The following R3HDM2 variants were observed in gnomAD, a reference collection of about 807,000 sequenced individuals.
R3HDM2 encodes R3H domain-containing protein 2.
A neutral mutation model predicts 124.5 loss-of-function variants in R3HDM2; 38 were observed. The observed-to-expected ratio is 0.31, with a 90% CI of 0.24 to 0.40. The LOEUF (loss-of-function observed/expected upper bound fraction) is 0.40, where lower values mean the gene tolerates loss of function less well. Ranked by LOEUF, R3HDM2 falls within the 10% of genes least tolerant of loss-of-function variation. The pLI is 1.00. For synonymous variants in R3HDM2, 391 were observed against 448.0 expected (o/e 0.87, Z 1.61); for missense variants, 869 against 1,236.9 (o/e 0.70, Z 4.46).
chr12:57,350,509 C>G (rs1050681063), intron 2 of R3HDM2, among the ~76,000 whole-genome samples: 1 of 152,168 alleles, frequency 6.6e-6, no homozygotes, highest in Non-Finnish European at 1.5e-5. Flanking sequence ...GATGGTTACC[C>G]TCTAATCCCA....
At chr12:57,425,376 T>C (rs1009321780) in intron 1 of R3HDM2, among the ~76,000 whole-genome samples, 1 of 152,166 alleles carries the variant, frequency 6.6e-6, no homozygotes, top group African/African-American at 2.4e-5. Flanking sequence ...TCCAGACAAA[T>C]GCATAGCAGA....
At chr12:57,332,385 T>G (rs573678148) in intron 2 of R3HDM2, among the ~76,000 whole-genome samples, 5 of 113,532 alleles carry the variant, frequency 4.4e-5, no homozygotes, top group Non-Finnish European at 4.9e-5. Context: ...ACTCCAGCAC[T>G]CCAGCCTGGA....
rs981660898 is a variant in R3HDM2 at position 57,270,333 on chromosome 12, G to A, written c.1345-339C>T. Among the ~76,000 whole-genome samples the A allele has an allele frequency of 2.0e-5, 3 of 151,928 alleles. No homozygotes were observed. The South Asian group carries it at 6.2e-4, about 32-fold the overall frequency. ...CGCCTCCCAGGTTTAAGCAATTCTC[G>A]TGCCTCAGCCTCCTGAGTAGCTGGG... On this transcript the variant is annotated intron_variant, in intron 14 of 23. Transcript: ENST00000402412.
intron 3 of R3HDM2, among the ~76,000 whole-genome samples, chr12:57,308,556 G>A (rs2139017445): frequency 6.6e-6 from 1 of 151,802 alleles, no homozygotes; most frequent in Admixed American, 6.6e-5. Flanking sequence ...TGTCGTGGCG[G>A]GCGCCTGTAA....
At position 57,289,011 on chromosome 12, in the gene R3HDM2, G is replaced by C; in HGVS notation, c.936C>G (p.Ile312Met). ...ETGQNGYLND[I>M]RGNREGLSRT... Reference sequence around the variant, plus strand: ...GGAACATGCTAAGTGGTACTAACCTGATGTCATTTAGATATCCGTTCTGGC... The same window carrying C: ...GGAACATGCTAAGTGGTACTAACCTCATGTCATTTAGATATCCGTTCTGGC... Residue 312 changes from isoleucine (I) to methionine (M), a missense_variant and splice_region_variant, in exon 12 of 24, where the codon ATC becomes ATG. By Grantham distance (10) the Ile-to-Met change is conservative. Coordinates refer to ENST00000402412, the MANE Select transcript of R3HDM2 (RefSeq NM_001394031.1). 1.3e-6 allele frequency: 2 copies of C among 1,550,036 alleles called. No homozygotes were observed. The highest frequency in any genetic ancestry group is 1.7e-6 in the Non-Finnish European group (2 of 1,145,338).
At chr12:57,320,909 A>G (rs2056344915) in intron 2 of R3HDM2, among the ~76,000 whole-genome samples, 1 of 152,168 alleles carries the variant, frequency 6.6e-6, no homozygotes, top group Non-Finnish European at 1.5e-5. Context: ...CAAGACAACG[A>G]TATCTAGGTG....
intron 2 of R3HDM2, among the ~76,000 whole-genome samples, chr12:57,330,450 T>C (rs1260650902): frequency 6.6e-6 from 1 of 151,880 alleles, no homozygotes; most frequent in African/African-American, 2.4e-5. Flanking sequence ...TTCAAGCGAT[T>C]CTCCTGCCTC....
At chr12:57,331,414 G>A (rs4760355) in intron 2 of R3HDM2, among the ~76,000 whole-genome samples, 30,003 of 151,952 alleles carry the variant, frequency 0.2, 3,298 homozygotes, top group Admixed American at 0.28. Context: ...TTTTCTCGTC[G>A]TTTATCATTG....
In R3HDM2 at chr12:57,277,964, G is replaced by A. The variant is rs1204462352; in HGVS notation, c.1344+2394C>T. Reference sequence around the variant, plus strand: ...GAAAGAAAGAAAATGGCAGTAGGAAGAGGAATAAAAAAATAAAGAGGAAGG... The same window carrying A: ...GAAAGAAAGAAAATGGCAGTAGGAAAAGGAATAAAAAAATAAAGAGGAAGG... On this transcript the variant is annotated intron_variant, in intron 14 of 23. Coordinates refer to ENST00000402412, the MANE Select transcript of R3HDM2 (RefSeq NM_001394031.1). Among the ~76,000 whole-genome samples the A allele has an allele frequency of 2.0e-5, 3 of 152,224 alleles. No individual in the cohort carries two copies. In the East Asian group the frequency reaches 5.8e-4, roughly 29 times the overall value.
At chr12:57,297,009 G>A (rs184061804) in intron 8 of R3HDM2, 5 of 265,266 alleles carry the variant, frequency 1.9e-5, no homozygotes, top group African/African-American at 9.1e-5. Flanking sequence ...AGTCAAGACT[G>A]TACCACGGCG....
intron 13 of R3HDM2, among the ~76,000 whole-genome samples, chr12:57,282,676 A>C (rs576757645): frequency 6.6e-6 from 1 of 152,250 alleles, no homozygotes; most frequent in African/African-American, 2.4e-5. Flanking sequence ...GCAAAAAAAA[A>C]ATCATAAAAA....
intron 14 of R3HDM2, among the ~76,000 whole-genome samples, chr12:57,276,574 T>C (rs2044797451): frequency 6.6e-6 from 1 of 152,088 alleles, no homozygotes. Flanking sequence ...AGCTAAGCTA[T>C]GAGGACGCAA....
At chr12:57,402,893 G>T (rs1321351608) in intron 1 of R3HDM2, among the ~76,000 whole-genome samples, 1 of 152,104 alleles carries the variant, frequency 6.6e-6, no homozygotes, top group South Asian at 2.1e-4. Context: ...ATACTTAAAA[G>T]CTATATTGCT....
chr12:57,338,822 GGA>G (rs143852540), intron 2 of R3HDM2, among the ~76,000 whole-genome samples: 36 of 149,290 alleles, frequency 2.4e-4, no homozygotes, highest in African/African-American at 6.4e-4. Context: ...TTTTTCAAAG[GGA>G]GAGAGAGAGA....
At chr12:57,340,646 T>G (rs2059446108) in intron 2 of R3HDM2, among the ~76,000 whole-genome samples, 1 of 152,086 alleles carries the variant, frequency 6.6e-6, no homozygotes, top group African/African-American at 2.4e-5. Context: ...TCTTTTCACT[T>G]CACACAAAGA....
intron 2 of R3HDM2, among the ~76,000 whole-genome samples, chr12:57,389,090 G>A (rs1280157069): frequency 2.0e-5 from 3 of 152,112 alleles, no homozygotes; most frequent in Non-Finnish European, 4.4e-5. Context: ...CCCTCCAGAG[G>A]AAATGCAAAC....
rs567107185 is a variant in R3HDM2, at chr12:57,421,715, C to T, written c.-106+9005G>A. Among the ~76,000 whole-genome samples, 160 of 151,634 alleles carry T rather than the reference C, an allele frequency of 1.1e-3. 1 individual carries two copies. The highest frequency in any genetic ancestry group is 1.7e-3 in the Non-Finnish European group (115 of 67,880). ...TTAGAGGCAGGTTCTCACTAAGTTG[C>T]CCCAGGCTAGTCTCGAACTGGGCTC... On this transcript the variant is annotated intron_variant, in intron 1 of 23. Coordinates refer to ENST00000402412, the MANE Select transcript of R3HDM2 (RefSeq NM_001394031.1).
chr12:57,383,870 C>G (rs1470253728), intron 2 of R3HDM2, among the ~76,000 whole-genome samples: 1 of 152,080 alleles, frequency 6.6e-6, no homozygotes, highest in East Asian at 1.9e-4. Context: ...TAGATACAAT[C>G]TAATATTCCT....
At chr12:57,346,640 A>T (rs2060121679) in intron 2 of R3HDM2, among the ~76,000 whole-genome samples, 2 of 152,368 alleles carry the variant, frequency 1.3e-5, no homozygotes, top group South Asian at 4.1e-4. Flanking sequence ...ACAGTAGCAG[A>T]TCTGCACTAA....
Sources: gnomAD v4.1 joint callset for allele counts (sites outside exome capture counted in the v4.1 genomes callset) on GRCh38, gnomAD v4.1.1 for gene constraint, MANE v1.5 for transcripts, NCBI Gene and HGNC (gene_info 2026-07-23, HGNC 2026-07-21) for gene names.